CLEC19A: variants seen among roughly 807,000 people sequenced by gnomAD.
CLEC19A encodes the protein C-type lectin domain containing 19A.
A neutral mutation model predicts 26.1 loss-of-function variants in CLEC19A; 21 were observed. The observed-to-expected ratio is 0.80, with a 90% CI of 0.57 to 1.16. The LOEUF (loss-of-function observed/expected upper bound fraction) is 1.16. Ranked by LOEUF, CLEC19A falls within the 50% of genes most tolerant of loss-of-function variation. CLEC19A has a pLI of 0.00. For synonymous variants in CLEC19A, 89 were observed against 88.6 expected, an observed-to-expected ratio of 1.00 and a Z score of -0.03; for missense variants, 224 against 227.6, an observed-to-expected ratio of 0.98 and a Z score of 0.10.
chr16:19,298,886 G>A (rs1197411124), intron 2 of CLEC19A, 48 bp downstream of exon 2: 13 of 1,486,336 alleles, frequency 8.7e-6, no homozygotes, highest in Non-Finnish European at 2.7e-6. Flanking sequence ...CACCCCCTTG[G>A]GAAATGGGGT....
intron 3 of CLEC19A, among the ~76,000 whole-genome samples, chr16:19,305,377 G>T (rs531931693): frequency 1.3e-5 from 2 of 152,210 alleles, no homozygotes; most frequent in East Asian, 1.9e-4. Context: ...TGATTAGAGC[G>T]CAGAGTGGGG....
chr16:19,301,727 GTTTTTTTGGTTTTTTT>G (rs1429274936), intron 2 of CLEC19A, among the ~76,000 whole-genome samples: 9 of 28,556 alleles, frequency 3.2e-4, no homozygotes, highest in South Asian at 1.6e-3. Context: ...CCATGCCCAG[GTTTTTTTGGTTTTTTT>G]TTTTTTTTTT....
At chr16:19,307,289 A>C (rs1283608840) in intron 3 of CLEC19A, among the ~76,000 whole-genome samples, 1 of 152,142 alleles carries the variant, frequency 6.6e-6, no homozygotes, top group African/African-American at 2.4e-5. Flanking sequence ...TGCTTTTCAG[A>C]ATGGTGAGGA....
intron 1 of CLEC19A, among the ~76,000 whole-genome samples, chr16:19,289,811 G>C (rs1371706146): frequency 2.0e-5 from 3 of 152,252 alleles, no homozygotes; most frequent in African/African-American, 7.2e-5. Flanking sequence ...CAGAGCCAGG[G>C]CTCACTGTGA....
chr16:19,304,109 C>CT lies in CLEC19A; in HGVS notation c.302_303insT (p.Gly102ArgfsTer5). 6.4e-7 allele frequency: 1 copy of CT among 1,550,532 alleles called. No homozygotes were observed. The highest frequency in any genetic ancestry group is 2.4e-5 in the East Asian group (1 of 40,910). On this transcript the variant is annotated frameshift_variant, in exon 3 of 5. Coordinates refer to ENST00000636231, the MANE Select transcript of CLEC19A (RefSeq NM_001256720.2). LOFTEE classifies it high-confidence loss of function. ...TATGACCTCGTGAACAGCTGTGTTC[C>CT]CGGCATCCCAGCTGACGTCTGGACA...
At chr16:19,304,701 G>C (rs1383748219) in intron 3 of CLEC19A, among the ~76,000 whole-genome samples, 4 of 147,122 alleles carry the variant, frequency 2.7e-5, no homozygotes, top group Non-Finnish European at 6.0e-5. Context: ...ACTCCAACTT[G>C]AAAAAAAAAA....
chr16:19,305,837 GT>G (rs559873104), intron 3 of CLEC19A, among the ~76,000 whole-genome samples: 9 of 150,218 alleles, frequency 6.0e-5, no homozygotes, highest in African/African-American at 2.0e-4. Context: ...TTTTTTTGCT[GT>G]TTTTTTTTTG....
At chr16:19,295,894 G>C (rs758792610) in intron 1 of CLEC19A, among the ~76,000 whole-genome samples, 8 of 152,108 alleles carry the variant, frequency 5.3e-5, no homozygotes, top group Non-Finnish European at 8.8e-5. Context: ...CGTTACAAAG[G>C]GTCCATCAAC....
intron 4 of CLEC19A, among the ~76,000 whole-genome samples, chr16:19,307,930 T>C (rs1204555250): frequency 2.6e-5 from 4 of 152,154 alleles, no homozygotes; most frequent in Non-Finnish European, 5.9e-5. Context: ...AAAGATGTTA[T>C]AAATAGAAGC....
intron 1 of CLEC19A, among the ~76,000 whole-genome samples, chr16:19,295,394 G>A (rs1897685767): frequency 6.6e-6 from 1 of 152,010 alleles, no homozygotes; most frequent in South Asian, 2.1e-4. Flanking sequence ...ATAGAGATGG[G>A]GTTTTACCAT....
At chr16:19,308,964 A>G (rs1431080031) in intron 4 of CLEC19A, 40 bp from the exon 5 acceptor site, 3 of 1,513,136 alleles carry the variant, frequency 2.0e-6, no homozygotes, top group Non-Finnish European at 2.7e-6. Flanking sequence ...ATCTTGGCGG[A>G]TGGATTTTCA....
chr16:19,298,981 C>A, intron 2 of CLEC19A, 143 bp downstream of exon 2: 1 of 935,978 alleles, frequency 1.1e-6, no homozygotes, highest in Non-Finnish European at 1.6e-6. Context: ...CTATGTTGCC[C>A]AGGCCACTCT....
intron 2 of CLEC19A, among the ~76,000 whole-genome samples, chr16:19,303,239 A>G (rs1021521760): frequency 2.6e-5 from 4 of 152,068 alleles, no homozygotes; most frequent in Non-Finnish European, 5.9e-5. Context: ...TCATTTCTCT[A>G]CCTCTCTGTT....
At chr16:19,303,556 T>A (rs1897879568) in intron 2 of CLEC19A, among the ~76,000 whole-genome samples, 1 of 152,122 alleles carries the variant, frequency 6.6e-6, no homozygotes. Context: ...TTTTGCTAAG[T>A]GGGCAATGCA....
intron 2 of CLEC19A, among the ~76,000 whole-genome samples, chr16:19,301,778 A>G (rs1897840704): frequency 1.1e-5 from 1 of 90,152 alleles, no homozygotes; most frequent in Non-Finnish European, 2.2e-5. Flanking sequence ...TTTTTAGCAG[A>G]GACGGAGTTT....
At chr16:19,304,568 G>A (rs529346082) in intron 3 of CLEC19A, among the ~76,000 whole-genome samples, 5 of 152,160 alleles carry the variant, frequency 3.3e-5, no homozygotes, top group Admixed American at 6.5e-5. Context: ...GGGCGCTGTT[G>A]TGGGCTCCTG....
chr16:19,301,479 A>G (rs889212052), intron 2 of CLEC19A, among the ~76,000 whole-genome samples: 2 of 152,208 alleles, frequency 1.3e-5, no homozygotes, highest in African/African-American at 4.8e-5. Context: ...CAGCTCCATC[A>G]CTTCCTACCT....
intron 3 of CLEC19A, chr16:19,304,476 G>A (rs1192528618): frequency 9.0e-6 from 2 of 221,682 alleles, no homozygotes; most frequent in Non-Finnish European, 1.8e-5. Flanking sequence ...GCTGAGGCTG[G>A]TGGATCACGA....
chr16:19,298,863 T>C, intron 2 of CLEC19A, 25 bp downstream of exon 2: 2 of 1,536,790 alleles, frequency 1.3e-6, no homozygotes, highest in East Asian at 2.5e-5. Flanking sequence ...CAGTGCCCCA[T>C]AGTTCAACTA....
Sources: gnomAD v4.1 joint callset for allele counts (sites outside exome capture counted in the v4.1 genomes callset) on GRCh38, gnomAD v4.1.1 for gene constraint, MANE v1.5 for transcripts, NCBI Gene and HGNC (gene_info 2026-07-23, HGNC 2026-07-21) for gene names.